Variants in KCMF1 observed in about 807,000 individuals in gnomAD.
The protein encoded by KCMF1 is potassium channel modulatory factor 1.
KCMF1 carries 3 observed loss-of-function variants against 41.1 expected under a neutral mutation model. That is an observed-to-expected ratio of 0.07 (90% CI 0.03 to 0.19). The LOEUF (loss-of-function observed/expected upper bound fraction) is 0.19. Among genes scored for constraint, KCMF1 ranks in the 10% least tolerant of loss-of-function variants. KCMF1 has a pLI of 1.00. For synonymous variants in KCMF1, 142 were observed against 164.5 expected (o/e 0.86, Z 1.04); for missense variants, 286 against 488.9 (o/e 0.58, Z 3.91).
chr2:84,983,799 C>G (rs1180787147), intron 1 of KCMF1, among the ~76,000 whole-genome samples: 1 of 152,104 alleles, frequency 6.6e-6, no homozygotes, highest in Non-Finnish European at 1.5e-5. Context: ...GCGTGAGCCA[C>G]TGCGTCCGGC....
intron 1 of KCMF1, among the ~76,000 whole-genome samples, chr2:85,004,379 C>T (rs1352136885): frequency 6.6e-6 from 1 of 151,926 alleles, no homozygotes; most frequent in Admixed American, 6.6e-5. Flanking sequence ...GGCATGGTGG[C>T]GGGCACCTTG....
chr2:85,014,288 G>GT (rs1438752323), intron 1 of KCMF1, among the ~76,000 whole-genome samples: 1 of 152,154 alleles, frequency 6.6e-6, no homozygotes, highest in Non-Finnish European at 1.5e-5. Flanking sequence ...TAAACAATGT[G>GT]TTAAATATAT....
At chr2:85,015,826 A>G (rs1253740771) in intron 1 of KCMF1, among the ~76,000 whole-genome samples, 1 of 152,228 alleles carries the variant, frequency 6.6e-6, no homozygotes, top group Non-Finnish European at 1.5e-5. Flanking sequence ...CATTAGGTAC[A>G]TAATTAAAAG....
chr2:85,022,162 TC>T (rs1674962507), intron 1 of KCMF1, among the ~76,000 whole-genome samples: 1 of 152,058 alleles, frequency 6.6e-6, no homozygotes, highest in South Asian at 2.1e-4. Context: ...ACATATTCAT[TC>T]AACAAACAAT....
intron 6 of KCMF1, among the ~76,000 whole-genome samples, chr2:85,051,628 T>C (rs1242138663): frequency 6.6e-6 from 1 of 152,142 alleles, no homozygotes; most frequent in Non-Finnish European, 1.5e-5. Flanking sequence ...GCAAACCACT[T>C]TCCACATCTT....
intron 1 of KCMF1, among the ~76,000 whole-genome samples, chr2:84,995,886 C>A (rs1009672492): frequency 2.0e-5 from 3 of 152,112 alleles, no homozygotes; most frequent in Non-Finnish European, 4.4e-5. Context: ...ATATGCCTTT[C>A]AAGATACAGA....
At chr2:85,040,362 G>A (rs2104049389) in intron 3 of KCMF1, among the ~76,000 whole-genome samples, 1 of 152,210 alleles carries the variant, frequency 6.6e-6, no homozygotes, top group Non-Finnish European at 1.5e-5. Flanking sequence ...TCCTGTAAGA[G>A]ATATTAGGCA....
chr2:85,016,371 A>G (rs1385965126), intron 1 of KCMF1, among the ~76,000 whole-genome samples: 2 of 152,250 alleles, frequency 1.3e-5, no homozygotes, highest in African/African-American at 2.4e-5. Context: ...ATAGAGTTAT[A>G]TGTATATTTA....
Position 85,046,086 on chromosome 2 carries a change from T to G in KCMF1, c.427-18T>G. 2 of 1,587,380 alleles carry G rather than the reference T, an allele frequency of 1.3e-6. No homozygotes were observed. Among genetic ancestry groups the G allele is most frequent in the East Asian group, 2.2e-5 (1 of 44,482 alleles). Reference sequence around the variant, plus strand: ...TTTCTGTGAAATACTTTCGTTTTTTTCTTAACTTTTGGGTTATGATGAATC... The same window carrying G: ...TTTCTGTGAAATACTTTCGTTTTTTGCTTAACTTTTGGGTTATGATGAATC... On this transcript the variant is annotated intron_variant, in intron 4 of 6. Coordinates refer to ENST00000409785, the MANE Select transcript of KCMF1 (RefSeq NM_020122.5).
At chr2:84,978,377 C>G (rs1181179329) in intron 1 of KCMF1, among the ~76,000 whole-genome samples, 2 of 151,738 alleles carry the variant, frequency 1.3e-5, no homozygotes, top group Non-Finnish European at 2.9e-5. Flanking sequence ...TAAACAGACC[C>G]CTTCATATTA....
At chr2:85,034,622 C>T (rs369873766) in intron 2 of KCMF1, among the ~76,000 whole-genome samples, 4 of 152,152 alleles carry the variant, frequency 2.6e-5, no homozygotes, top group Admixed American at 6.6e-5. Context: ...TACCTAAGCA[C>T]TCCTTGATCA....
rs560771183 is a variant in KCMF1 at position 85,046,005 on chromosome 2, T to G, written c.427-99T>G. The G allele has an allele frequency of 1.2e-4, 118 of 990,810 alleles. 3 individuals carry two copies. In the South Asian group the frequency reaches 2.0e-3, roughly 16 times the overall value. 61.4% of individuals were successfully genotyped at this position (990,810 alleles called of 1,614,324 possible). On this transcript the variant is annotated intron_variant, in intron 4 of 6. Coordinates refer to ENST00000409785, the MANE Select transcript of KCMF1 (RefSeq NM_020122.5). The stretch of plus-strand genomic sequence containing the variant: ...AGTTAAATGTGCTGTTTTTAAATGC[T>G]TACAATTCAGGAAATCTTTACATCT...
At position 85,049,524 on chromosome 2, in the gene KCMF1, G is replaced by T; in HGVS notation, c.760G>T (p.Ala254Ser). ...GCAACAACTGGAGACCGCACGCAAC[G>T]CAACCCGGCGTACTAACACAAGCAG... is the stretch of plus-strand genomic sequence containing the variant. ...ARQQLETARNATRRTNTSSVT... is the reference protein window; with the variant it reads ...ARQQLETARNSTRRTNTSSVT... Residue 254 changes from alanine (A) to serine (S), a missense_variant, in exon 6 of 7, where the codon GCA (alanine) becomes TCA (serine). Ala to Ser is a moderately conservative substitution (Grantham distance 99). Coordinates refer to ENST00000409785, the MANE Select transcript of KCMF1 (RefSeq NM_020122.5). 1 of 1,613,942 alleles carries T rather than the reference G, an allele frequency of 6.2e-7. No homozygotes were observed. The highest frequency in any genetic ancestry group is 8.5e-7 in the Non-Finnish European group (1 of 1,179,890).
chr2:84,979,986 C>T (rs1673665883), intron 1 of KCMF1, among the ~76,000 whole-genome samples: 1 of 151,544 alleles, frequency 6.6e-6, no homozygotes, highest in African/African-American at 2.4e-5. Flanking sequence ...CCACGCCCGG[C>T]TAATTTTGTA....
intron 1 of KCMF1, among the ~76,000 whole-genome samples, chr2:84,973,222 C>T (rs1186030811): frequency 1.3e-5 from 2 of 152,196 alleles, no homozygotes; most frequent in Admixed American, 1.3e-4. Flanking sequence ...AGAAAGCATA[C>T]AGATAGTTCC....
intron 1 of KCMF1, among the ~76,000 whole-genome samples, chr2:84,973,122 C>G (rs1196237004): frequency 3.9e-5 from 6 of 152,212 alleles, no homozygotes; most frequent in Non-Finnish European, 1.5e-5. Context: ...TGAGCAATGG[C>G]TGCAAGCTCT....
intron 1 of KCMF1, among the ~76,000 whole-genome samples, chr2:85,000,977 G>T (rs577983004): frequency 6.7e-6 from 1 of 149,288 alleles, no homozygotes; most frequent in South Asian, 2.1e-4. Flanking sequence ...TGTTTTGTGG[G>T]TTTTCTTTTT....
chr2:85,057,522 A>T lies in KCMF1; in HGVS notation c.*4113A>T, dbSNP rs1675964153. 1 of 152,246 alleles carries T rather than the reference A, an allele frequency of 6.6e-6. No individual in the cohort carries two copies. The highest frequency in any genetic ancestry group is 2.1e-4 in the South Asian group (1 of 4,832). 9.4% of individuals were successfully genotyped at this position (152,246 alleles called of 1,614,324 possible). On this transcript the variant is annotated 3_prime_UTR_variant, in exon 7 of 7. Coordinates refer to ENST00000409785, the MANE Select transcript of KCMF1 (RefSeq NM_020122.5). Reference sequence around the variant, plus strand: ...GATGTCATGAAATTCTGTGCTATTAAACATGGCTATGTCTGAGTCAGTCAT... The same window carrying T: ...GATGTCATGAAATTCTGTGCTATTATACATGGCTATGTCTGAGTCAGTCAT...
chr2:85,021,809 GTGTTTTGTTT>G (rs749359667), intron 1 of KCMF1, among the ~76,000 whole-genome samples: 7 of 151,934 alleles, frequency 4.6e-5, no homozygotes, highest in East Asian at 1.9e-4. Context: ...GAATCCCATG[GTGTTTTGTTT>G]TGTTTTGTTT....
Sources: allele counts gnomAD v4.1 joint callset (sites outside exome capture counted in the v4.1 genomes callset), GRCh38; gene constraint gnomAD v4.1.1; transcripts MANE v1.5; gene names NCBI Gene and HGNC (gene_info 2026-07-23, HGNC 2026-07-21).